DENND1A: variants seen among roughly 807,000 people sequenced by gnomAD.
DENND1A encodes the protein DENN domain-containing protein 1A.
In DENND1A, 51 loss-of-function variants were observed where a neutral mutation model predicts 113.7. The observed-to-expected ratio is 0.45, with a 90% CI of 0.36 to 0.57. The LOEUF is 0.57. DENND1A is among the 20% of genes least tolerant of loss of function. DENND1A has a pLI of 0.00. For synonymous variants in DENND1A, 565 were observed against 570.8 expected (o/e 0.99, Z 0.14); for missense variants, 1,258 against 1,395.9 (o/e 0.90, Z 1.57).
chr9:123,401,555 C>T, intron 21 of DENND1A: 1 of 1,368,284 alleles, frequency 7.3e-7, no homozygotes, highest in Non-Finnish European at 9.4e-7. Flanking sequence ...CATTTGTTTT[C>T]TATCACTGGT....
intron 11 of DENND1A, among the ~76,000 whole-genome samples, chr9:123,583,664 T>G (rs554046474): frequency 6.6e-6 from 1 of 152,334 alleles, no homozygotes; most frequent in Admixed American, 6.5e-5. Flanking sequence ...CCCCATTCAA[T>G]CCAGCCCCCT....
At chr9:123,518,207 A>G (rs1021424916) in intron 13 of DENND1A, among the ~76,000 whole-genome samples, 1 of 152,208 alleles carries the variant, frequency 6.6e-6, no homozygotes, top group African/African-American at 2.4e-5. Context: ...TAACAATATT[A>G]TAATAGAAAG....
intron 5 of DENND1A, among the ~76,000 whole-genome samples, chr9:123,738,465 G>A (rs1294005409): frequency 4.0e-5 from 6 of 151,866 alleles, no homozygotes; most frequent in Non-Finnish European, 8.8e-5. Flanking sequence ...GTGTGTGTGT[G>A]TGTGTGTGTG....
chr9:123,923,386 C>G (rs1470487918), intron 1 of DENND1A, among the ~76,000 whole-genome samples: 1 of 152,216 alleles, frequency 6.6e-6, no homozygotes, highest in Non-Finnish European at 1.5e-5. Context: ...AGTCTCTCTA[C>G]ATTCTCCTTT....
intron 13 of DENND1A, among the ~76,000 whole-genome samples, chr9:123,500,626 A>G (rs566505968): frequency 2.2e-4 from 33 of 152,326 alleles, no homozygotes; most frequent in African/African-American, 7.7e-4. Flanking sequence ...ATTTGCACTT[A>G]ACACCTGCAC....
chr9:123,525,365 ACACAG>A (rs1328564176), intron 13 of DENND1A, among the ~76,000 whole-genome samples: 1 of 152,212 alleles, frequency 6.6e-6, no homozygotes, highest in African/African-American at 2.4e-5. Context: ...CAAGGAAGGA[ACACAG>A]CAAGAATCCC....
At chr9:123,829,450 TAACAAC>T (rs751761014) in intron 2 of DENND1A, among the ~76,000 whole-genome samples, 54 of 150,994 alleles carry the variant, frequency 3.6e-4, no homozygotes, top group Non-Finnish European at 5.5e-4. Flanking sequence ...GAAAACACAG[TAACAAC>T]AACAACAACA....
chr9:123,702,702 C>T (rs1405840434), intron 5 of DENND1A, among the ~76,000 whole-genome samples: 1 of 152,120 alleles, frequency 6.6e-6, no homozygotes, highest in Non-Finnish European at 1.5e-5. Flanking sequence ...GAATACTGTA[C>T]CCAGCAAATC....
chr9:123,888,750 T>C (rs1849464899), intron 1 of DENND1A, among the ~76,000 whole-genome samples: 1 of 152,212 alleles, frequency 6.6e-6, no homozygotes, highest in African/African-American at 2.4e-5. Context: ...AAATGCAATG[T>C]GTGATTCTTT....
intron 3 of DENND1A, among the ~76,000 whole-genome samples, chr9:123,779,138 A>G (rs1321636428): frequency 1.3e-5 from 2 of 152,080 alleles, no homozygotes; most frequent in Non-Finnish European, 2.9e-5. Flanking sequence ...GATAATGGAG[A>G]GCTCTTCAAT....
At chr9:123,519,500 C>T (rs373666183) in intron 13 of DENND1A, among the ~76,000 whole-genome samples, 32 of 151,924 alleles carry the variant, frequency 2.1e-4, no homozygotes, top group South Asian at 2.1e-3. Context: ...TGTGGTGGCA[C>T]GATCTTGGTT....
At chr9:123,737,556 T>C (rs1343244703) in intron 5 of DENND1A, among the ~76,000 whole-genome samples, 1 of 152,160 alleles carries the variant, frequency 6.6e-6, no homozygotes, top group African/African-American at 2.4e-5. Context: ...CTGAGAAAGC[T>C]TAGTTGTGTT....
intron 13 of DENND1A, among the ~76,000 whole-genome samples, chr9:123,525,542 C>T (rs181273645): frequency 1.5e-4 from 23 of 152,266 alleles, no homozygotes; most frequent in African/African-American, 4.8e-4. Flanking sequence ...TAACCGGATC[C>T]GTTTCTCACT....
At chr9:123,779,370 C>T (rs951399996) in intron 3 of DENND1A, among the ~76,000 whole-genome samples, 3 of 152,216 alleles carry the variant, frequency 2.0e-5, no homozygotes, top group Non-Finnish European at 2.9e-5. Context: ...TCTCTCTCTG[C>T]GTCCTCCTCT....
At chr9:123,451,911 C>T (rs776155445) in intron 17 of DENND1A, among the ~76,000 whole-genome samples, 12 of 152,060 alleles carry the variant, frequency 7.9e-5, no homozygotes, top group African/African-American at 1.2e-4. Flanking sequence ...AGAGTCTCAT[C>T]GCTTGGCTGG....
intron 1 of DENND1A, among the ~76,000 whole-genome samples, chr9:123,920,723 C>T (rs1856085576): frequency 6.6e-6 from 1 of 151,574 alleles, no homozygotes; most frequent in South Asian, 2.1e-4. Flanking sequence ...CCATGCCCAG[C>T]TAATTTTTGT....
At chr9:123,898,810 A>G (rs1349486254) in intron 1 of DENND1A, among the ~76,000 whole-genome samples, 1 of 152,218 alleles carries the variant, frequency 6.6e-6, no homozygotes, top group East Asian at 1.9e-4. Context: ...AAGAAGGTAA[A>G]CTTGACAGCA....
chr9:123,561,635 C>T (rs562956759), intron 12 of DENND1A, among the ~76,000 whole-genome samples: 2 of 152,186 alleles, frequency 1.3e-5, no homozygotes, highest in South Asian at 2.1e-4. Context: ...TCATTAACAT[C>T]GGGATTCATC....
intron 13 of DENND1A, among the ~76,000 whole-genome samples, chr9:123,554,419 G>C (rs2057307718): frequency 6.6e-6 from 1 of 152,186 alleles, no homozygotes; most frequent in South Asian, 2.1e-4. Flanking sequence ...GTCTCTCTAT[G>C]TTGCCCAGGC....
Sources: gnomAD v4.1 joint callset for allele counts (sites outside exome capture counted in the v4.1 genomes callset) on GRCh38, gnomAD v4.1.1 for gene constraint, MANE v1.5 for transcripts, NCBI Gene and HGNC (gene_info 2026-07-23, HGNC 2026-07-21) for gene names.